The following TCERG1L variants were observed in gnomAD, a reference collection of about 807,000 sequenced individuals.
The protein encoded by TCERG1L is transcription elongation regulator 1 like.
In TCERG1L, 37 loss-of-function variants were observed where a neutral mutation model predicts 56.3. The observed-to-expected ratio is 0.66, with a 90% CI of 0.51 to 0.87. TCERG1L has a LOEUF of 0.87. TCERG1L is among the 40% of genes least tolerant of loss of function. TCERG1L has a pLI of 0.00. For missense variants in TCERG1L, 799 were observed against 774.2 expected (o/e 1.03, Z -0.38); for synonymous variants, 324 against 326.3 (o/e 0.99, Z 0.08).
intron 4 of TCERG1L, among the ~76,000 whole-genome samples, chr10:131,198,547 C>A (rs1029993906): frequency 1.1e-4 from 17 of 152,256 alleles, no homozygotes; most frequent in African/African-American, 4.1e-4. Context: ...GGCTGGGAAG[C>A]CAGGGCAAGG....
At position 131,225,471 on chromosome 10, in the gene TCERG1L, TC is replaced by T. The variant is rs201958419; in HGVS notation, c.856+34787del. Reference sequence around the variant, plus strand: ...TTCTCATTTCTAAAATCCAAAGGTATCCAGGACACCAGCTGGAGGCTCTCCC... The same window carrying T: ...TTCTCATTTCTAAAATCCAAAGGTATCAGGACACCAGCTGGAGGCTCTCCC... On this transcript the variant is annotated intron_variant, in intron 4 of 11. Coordinates refer to ENST00000368642, the MANE Select transcript of TCERG1L (RefSeq NM_174937.4). Among the ~76,000 whole-genome samples the T allele has an allele frequency of 4.2e-3, 632 of 152,238 alleles. 17 individuals are homozygous for T. The highest frequency in any genetic ancestry group is 0.039 in the Admixed American group (596 of 15,288).
intron 6 of TCERG1L, among the ~76,000 whole-genome samples, chr10:131,149,529 T>C (rs1564801827): frequency 6.6e-6 from 1 of 152,206 alleles, no homozygotes; most frequent in Non-Finnish European, 1.5e-5. Flanking sequence ...AGCTACTATA[T>C]GAACTCTGCA....
At chr10:131,119,244 CAA>C (rs1316372057) in intron 8 of TCERG1L, among the ~76,000 whole-genome samples, 11 of 152,146 alleles carry the variant, frequency 7.2e-5, no homozygotes, top group East Asian at 5.8e-4. Flanking sequence ...TTATGTCTAA[CAA>C]GAGGTTTTCA....
intron 11 of TCERG1L, among the ~76,000 whole-genome samples, chr10:131,097,413 T>C (rs1845260643): frequency 6.6e-6 from 1 of 152,146 alleles, no homozygotes; most frequent in Non-Finnish European, 1.5e-5. Flanking sequence ...AGTGGTGCAA[T>C]CAAGGCTCAC....
intron 4 of TCERG1L, among the ~76,000 whole-genome samples, chr10:131,224,236 C>T (rs991031330): frequency 1.3e-5 from 2 of 152,280 alleles, no homozygotes; most frequent in East Asian, 1.9e-4. Context: ...GATGATGCCC[C>T]TACATGCTCC....
chr10:131,189,872 C>T (rs11591696), intron 4 of TCERG1L, among the ~76,000 whole-genome samples: 22,087 of 151,644 alleles, frequency 0.15, 1,752 homozygotes, highest in Middle Eastern at 0.19. Flanking sequence ...ATAGCCACTC[C>T]GAAACAAGAA....
chr10:131,251,300 C>T (rs1846107938), intron 4 of TCERG1L, among the ~76,000 whole-genome samples: 1 of 149,920 alleles, frequency 6.7e-6, no homozygotes, highest in South Asian at 2.1e-4. Flanking sequence ...GACTCTCTGC[C>T]CCCTCCCCCC....
intron 6 of TCERG1L, among the ~76,000 whole-genome samples, chr10:131,155,007 G>C (rs1564803205): frequency 6.6e-6 from 1 of 152,214 alleles, no homozygotes; most frequent in South Asian, 2.1e-4. Flanking sequence ...CACAGTGAGA[G>C]TCCAGGAGCC....
intron 4 of TCERG1L, among the ~76,000 whole-genome samples, chr10:131,227,474 C>A (rs1015169161): frequency 6.6e-6 from 1 of 152,194 alleles, no homozygotes; most frequent in Non-Finnish European, 1.5e-5. Context: ...GGAGAAGAGC[C>A]ACCGCCTCCC....
intron 8 of TCERG1L, among the ~76,000 whole-genome samples, chr10:131,133,259 G>T (rs1365741827): frequency 6.6e-6 from 1 of 152,200 alleles, no homozygotes; most frequent in Non-Finnish European, 1.5e-5. Flanking sequence ...GACTGAAAAT[G>T]TGAGAATGCA....
chr10:131,167,000 T>C lies in TCERG1L; in HGVS notation c.857-115A>G. On this transcript the variant is annotated intron_variant, in intron 4 of 11. Coordinates refer to ENST00000368642, the MANE Select transcript of TCERG1L (RefSeq NM_174937.4). ...GATTAGAATTGGTCAGTAGACACTGTGCATTCCACAGAAAGGTGGCATTGC... is the reference window on the plus strand; with the variant it reads ...GATTAGAATTGGTCAGTAGACACTGCGCATTCCACAGAAAGGTGGCATTGC... 4 of 834,638 alleles carry C rather than the reference T, an allele frequency of 4.8e-6. No individual in the cohort carries two copies. The South Asian group carries it at 7.2e-5, about 15-fold the overall frequency. 51.7% of individuals were successfully genotyped at this position (834,638 alleles called of 1,614,324 possible). A position where few individuals can be genotyped will look rare whatever the true frequency, so the allele number is the denominator to read the frequency against.
At chr10:131,093,406 A>G (rs536524657) in intron 11 of TCERG1L, 88 bp from the exon 12 acceptor site, 2 of 1,499,466 alleles carry the variant, frequency 1.3e-6, no homozygotes, top group Admixed American at 2.0e-5. Flanking sequence ...CTGAGCAAGC[A>G]TCCAGCCCTT....
chr10:131,135,148 C>T (rs969358161), intron 7 of TCERG1L, among the ~76,000 whole-genome samples: 1 of 152,166 alleles, frequency 6.6e-6, no homozygotes, highest in African/African-American at 2.4e-5. Flanking sequence ...GTCATCCAGA[C>T]CAAAAATTTT....
chr10:131,227,625 C>T (rs1845806659), intron 4 of TCERG1L, among the ~76,000 whole-genome samples: 1 of 152,222 alleles, frequency 6.6e-6, no homozygotes, highest in Non-Finnish European at 1.5e-5. Context: ...CTCTATGGGG[C>T]AACCGTCAGC....
intron 7 of TCERG1L, among the ~76,000 whole-genome samples, chr10:131,143,696 A>G (rs1018651122): frequency 1.3e-5 from 2 of 152,070 alleles, no homozygotes; most frequent in Non-Finnish European, 2.9e-5. Context: ...GGAACACAAC[A>G]CACCAGCACC....
At chr10:131,284,716 T>G (rs1846499873) in intron 3 of TCERG1L, among the ~76,000 whole-genome samples, 1 of 152,058 alleles carries the variant, frequency 6.6e-6, no homozygotes, top group Non-Finnish European at 1.5e-5. Flanking sequence ...AGATAACTAT[T>G]ATTATAGCAT....
At chr10:131,130,431 G>T (rs917541343) in intron 8 of TCERG1L, among the ~76,000 whole-genome samples, 1 of 152,190 alleles carries the variant, frequency 6.6e-6, no homozygotes, top group Non-Finnish European at 1.5e-5. Flanking sequence ...TGGACAGCTA[G>T]AGGAAAATCA....
chr10:131,276,520 G>C (rs189724482), intron 3 of TCERG1L, among the ~76,000 whole-genome samples: 1 of 152,232 alleles, frequency 6.6e-6, no homozygotes, highest in Admixed American at 6.5e-5. Flanking sequence ...CACCTGCCTC[G>C]TCATATCCCT....
chr10:131,106,161 T>C (rs1845349954), intron 9 of TCERG1L, among the ~76,000 whole-genome samples: 1 of 152,244 alleles, frequency 6.6e-6, no homozygotes, highest in Non-Finnish European at 1.5e-5. Flanking sequence ...ATTTAGAACA[T>C]AAATGCATTC....
Sources: allele counts gnomAD v4.1 joint callset (sites outside exome capture counted in the v4.1 genomes callset), GRCh38; gene constraint gnomAD v4.1.1; transcripts MANE v1.5; gene names NCBI Gene and HGNC (gene_info 2026-07-23, HGNC 2026-07-21).